Variants in C5 observed in about 807,000 individuals in gnomAD.
The protein encoded by C5 is complement C5, also known as C3 and PZP-like alpha-2-macroglobulin domain-containing protein 4.
A neutral mutation model predicts 218.8 loss-of-function variants in C5; 140 were observed. That is an observed-to-expected ratio of 0.64 (90% CI 0.56 to 0.74). The LOEUF is 0.74. C5 is among the 30% of genes least tolerant of loss of function. The pLI is 0.00. For synonymous variants in C5, 614 were observed against 682.3 expected (o/e 0.90, Z 1.56); for missense variants, 1,700 against 1,969.6 (o/e 0.86, Z 2.59).
chr9:120,991,009 A>T (rs752965341), intron 23 of C5, among the ~76,000 whole-genome samples, 182 bp downstream of exon 23: 1 of 152,200 alleles, frequency 6.6e-6, no homozygotes, highest in African/African-American at 2.4e-5. Context: ...TTGGAAGAAG[A>T]TAGTGGGAAA....
At chr9:120,962,407 T>C (rs546711102) in intron 36 of C5, among the ~76,000 whole-genome samples, 15 of 152,310 alleles carry the variant, frequency 9.8e-5, no homozygotes, top group South Asian at 4.1e-4. Flanking sequence ...GCAAAGAATA[T>C]TGAAGTTGGA....
At chr9:121,035,045 C>G in intron 4 of C5, 151 bp from the exon 5 acceptor site, 1 of 587,334 alleles carries the variant, frequency 1.7e-6, no homozygotes, top group South Asian at 2.1e-5. Context: ...GGATGAAGAT[C>G]TGTTAAATGT....
chr9:120,980,872 A>G (rs1214283065), intron 27 of C5, among the ~76,000 whole-genome samples: 1 of 152,200 alleles, frequency 6.6e-6, no homozygotes, highest in Non-Finnish European at 1.5e-5. Context: ...CTGGGATTAC[A>G]GGCGTGAGCC....
chr9:121,027,523 C>T lies in C5; in HGVS notation c.759-249G>A, dbSNP rs1195651192. On this transcript the variant is annotated intron_variant, in intron 7 of 40. Transcript: ENST00000223642. ...ATAGACCAATGGAACAGAACAGAGGCCTCAGAAATAACACCACACATCTAC... is the reference window on the plus strand; with the variant it reads ...ATAGACCAATGGAACAGAACAGAGGTCTCAGAAATAACACCACACATCTAC... Among the ~76,000 whole-genome samples, 11 of 152,176 alleles carry T rather than the reference C, an allele frequency of 7.2e-5. No homozygotes were observed. In the East Asian group the frequency reaches 2.1e-3, roughly 29 times the overall value.
intron 22 of C5, among the ~76,000 whole-genome samples, chr9:120,993,044 A>T (rs2047088427): frequency 6.6e-6 from 1 of 152,248 alleles, no homozygotes; most frequent in African/African-American, 2.4e-5. Context: ...CCAAATGGAC[A>T]AGTATATGAA....
At chr9:120,975,115 G>C (rs951909375) in intron 29 of C5, among the ~76,000 whole-genome samples, 184 bp from the exon 30 acceptor site, 10 of 152,322 alleles carry the variant, frequency 6.6e-5, no homozygotes, top group Non-Finnish European at 1.3e-4. Context: ...CCTCAATAAA[G>C]ATGCTGTTAG....
intron 25 of C5, among the ~76,000 whole-genome samples, chr9:120,988,494 T>C (rs1253581205): frequency 6.6e-6 from 1 of 151,938 alleles, no homozygotes; most frequent in Non-Finnish European, 1.5e-5. Flanking sequence ...GAGAAAACAG[T>C]GCAAAGGCCC....
In C5 at chr9:121,003,304, A is replaced by C. The variant is rs367686404; in HGVS notation, c.2562+2615T>G. Among the ~76,000 whole-genome samples the C allele has an allele frequency of 2.5e-4, 38 of 152,202 alleles. No homozygotes were observed. The South Asian group carries it at 3.1e-3, about 12-fold the overall frequency. On this transcript the variant is annotated intron_variant, in intron 20 of 40. Transcript: ENST00000223642. ...AGACTCTGTCTCAAAAAAAGAAAAA[A>C]AAAAAAGATAATACCATCAGTATGG...
Position 120,974,788 on chromosome 9 carries a change from C to T in C5, c.4008G>A (p.Arg1336=). The T allele has an allele frequency of 1.2e-6, 2 of 1,613,654 alleles. No individual in the cohort carries two copies. Residue 1336 remains arginine, a synonymous_variant, in exon 30 of 41, where the codon AGG becomes AGA. Transcript: ENST00000223642. ...AAAGTTCTTCATTTACCTCTACTGGCCTCCCAAGGAAATTCTTGTCTGTCA... is the reference window on the plus strand; with the variant it reads ...AAAGTTCTTCATTTACCTCTACTGGTCTCCCAAGGAAATTCTTGTCTGTCA... The part of the protein sequence containing the change: ...YKMTDKNFLG[R]PVEVLLNDDL...
chr9:121,046,487 T>C (rs2047629043), intron 1 of C5, 104 bp from the exon 2 acceptor site: 2 of 774,468 alleles, frequency 2.6e-6, no homozygotes, highest in South Asian at 1.5e-5. Context: ...AAAATACATA[T>C]ATTTCCTCAC....
the C5 span, among the ~76,000 whole-genome samples, chr9:121,057,640 A>G: frequency 6.6e-6 from 1 of 152,280 alleles, no homozygotes; most frequent in East Asian, 1.9e-4. Flanking sequence ...CACAAAAAAT[A>G]AAAAGCAAGG....
the C5 span, among the ~76,000 whole-genome samples, chr9:121,073,997 A>C: frequency 3.1e-4 from 47 of 152,264 alleles, no homozygotes; most frequent in African/African-American, 1.1e-3. Context: ...ATCGCGAGAA[A>C]ATGGTAAGAA....
At chr9:121,027,548 C>T (rs1399840181) in intron 7 of C5, among the ~76,000 whole-genome samples, 6 of 152,194 alleles carry the variant, frequency 3.9e-5, no homozygotes, top group Admixed American at 6.5e-5. Flanking sequence ...CACACATCTA[C>T]AACCATCTGA....
At chr9:121,055,440 C>A in the C5 span, among the ~76,000 whole-genome samples, 2 of 152,040 alleles carry the variant, frequency 1.3e-5, no homozygotes, top group African/African-American at 4.8e-5. Context: ...TCACTCCTTC[C>A]CAAACTTCAG....
rs916475020 is a variant in C5 at position 121,043,012 on chromosome 9, T to C, written c.413A>G (p.Asp138Gly). The stretch of plus-strand genomic sequence containing the variant: ...AATATCTTATAATCTACCTGACTGG[T>C]CTGGAGTATAAACAGGTTTGTCTGT... ...IHTDKPVYTP[D>G]QSVKVRVYSL... Residue 138 changes from aspartate to glycine, a missense_variant, in exon 3 of 41, where the codon GAC (aspartate) becomes GGC (glycine). Asp to Gly is a moderately conservative substitution (Grantham distance 94, BLOSUM62 -1). Transcript: ENST00000223642. 1.2e-6 allele frequency: 2 copies of C among 1,611,354 alleles called. No homozygotes were observed. Among genetic ancestry groups the C allele is most frequent in the African/African-American group, 2.7e-5 (2 of 74,856 alleles).
intron 30 of C5, among the ~76,000 whole-genome samples, 196 bp downstream of exon 30, chr9:120,974,583 G>A (rs1246025337): frequency 6.6e-6 from 1 of 152,150 alleles, no homozygotes; most frequent in African/African-American, 2.4e-5. Flanking sequence ...CAATCTCCCT[G>A]CACTACGCTG....
chr9:120,963,754 G>C lies in C5; in HGVS notation c.4221-16C>G. The C allele has an allele frequency of 1.3e-6, 2 of 1,569,446 alleles. No homozygotes were observed. The highest frequency in any genetic ancestry group is 1.8e-6 in the Non-Finnish European group (2 of 1,140,764). On this transcript the variant is annotated splice_polypyrimidine_tract_variant and intron_variant, in intron 33 of 40. Transcript: ENST00000223642. ...GGGCTTGTAGCTAAAATAAAAAAGA[G>C]GTTAGAAAATATAATAAATAAGTGA...
At position 120,952,470 on chromosome 9, in the gene C5, G is replaced by A. The variant is rs1355588265; in HGVS notation, c.*269C>T. On this transcript the variant is annotated 3_prime_UTR_variant, in exon 41 of 41. Coordinates refer to ENST00000223642, the MANE Select transcript of C5 (RefSeq NM_001735.3). ...CCCAGCAAACATTCCTGAGTGGTAG[G>A]TTTGAGGAGGTGTTCCAATTTATTG... The A allele has an allele frequency of 2.6e-6, 1 of 385,988 alleles. No individual in the cohort carries two copies. Among genetic ancestry groups the A allele is most frequent in the Non-Finnish European group, 4.9e-6 (1 of 202,342 alleles). The allele number at this position is 385,988 out of a possible 1,614,324, so 23.9% of individuals were successfully genotyped here. A position where few individuals can be genotyped will look rare whatever the true frequency, so the allele number is the denominator to read the frequency against.
chr9:120,958,933 G>A (rs1332044596), intron 38 of C5, among the ~76,000 whole-genome samples: 2 of 152,002 alleles, frequency 1.3e-5, no homozygotes, highest in Admixed American at 6.6e-5. Flanking sequence ...CTACAGACAT[G>A]AGCCATCAAC....
Sources: allele counts gnomAD v4.1 joint callset (sites outside exome capture counted in the v4.1 genomes callset), GRCh38; gene constraint gnomAD v4.1.1; transcripts MANE v1.5; gene names NCBI Gene and HGNC (gene_info 2026-07-23, HGNC 2026-07-21).